The following TTN variants were observed in gnomAD, a reference collection of about 807,000 sequenced individuals.
TTN encodes the protein connectin.
Under a neutral mutation model 3,223.0 loss-of-function variants are expected in TTN, and 1,525 were observed. That is an observed-to-expected ratio of 0.47 (90% CI 0.45 to 0.49). The LOEUF is 0.49. Ranked by LOEUF, TTN falls within the 20% of genes least tolerant of loss-of-function variation. The pLI is 0.00. For missense variants in TTN, 40,786 were observed against 43,424.0 expected (o/e 0.94, Z 5.40); for synonymous variants, 14,094 against 15,161.0 (o/e 0.93, Z 5.17).
rs1271048830 is a variant in TTN at position 178,752,197 on chromosome 2, C to T, written c.11311+927G>A. Among the ~76,000 whole-genome samples, 5 of 152,012 alleles carry T rather than the reference C, an allele frequency of 3.3e-5. No individual in the cohort carries two copies. In the South Asian group the frequency reaches 6.2e-4, roughly 19 times the overall value. On this transcript the variant is annotated intron_variant, in intron 47 of 362. Transcript: ENST00000589042. ...ACCATATTTGTTCGAATAAACGCAA[C>T]ACCATGCTCTGTTTAAAAGATTCTG...
Position 178,636,078 on chromosome 2 carries a change from A to G in TTN, c.41493T>C (p.Ile13831=), listed in dbSNP as rs1392762218. 3 of 1,613,170 alleles carry G rather than the reference A, an allele frequency of 1.9e-6. No homozygotes were observed. Among genetic ancestry groups the G allele is most frequent in the African/African-American group, 2.7e-5 (2 of 74,868 alleles). Residue 13831 remains isoleucine (I), a synonymous_variant, in exon 226 of 363, where the codon ATT becomes ATC. Transcript: ENST00000589042. This position sits in a 1 kb window ranked among gnomAD's most constrained non-coding sequence, Gnocchi z 4.3. ...EKPGRIVPGV[I]GLMRALTIND... is the part of the protein sequence containing the mutation. ...TGATGGTCAGAGCCCGCATCAAGCC[A>G]ATGACGCCTGGCACAATTCGGCCAG...
At position 178,730,383 on chromosome 2, in the gene TTN, G is replaced by T. The variant is rs1434764564; in HGVS notation, c.18029-12C>A. ...AAAGTAAGGGGGTTCTGAGGTGAAA[G>T]AAAAAACAAGCAAAAGAAAATAGGA... On this transcript the variant is annotated splice_polypyrimidine_tract_variant and intron_variant, in intron 61 of 362. Transcript: ENST00000589042. The T allele has an allele frequency of 8.3e-6, 13 of 1,561,028 alleles. No individual in the cohort carries two copies. The highest frequency in any genetic ancestry group is 2.0e-5 in the Admixed American group (1 of 49,034).
In TTN at chr2:178,599,328, A is replaced by G. The variant is rs771542159; in HGVS notation, c.56465T>C (p.Ile18822Thr). Residue 18822 changes from isoleucine (I) to threonine (T), a missense_variant, in exon 290 of 363, where the codon ATT (isoleucine) becomes ACT (threonine). By Grantham distance (89) the Ile-to-Thr change is moderately conservative. Transcript: ENST00000589042. ...DGGSKITNYV[I>T]EKREANRKTW... ...CTTCCTGTTAGCTTCTCTTTTCTCAATTACATAGTTTGTAATCTTAGACCC... is the reference window on the plus strand; with the variant it reads ...CTTCCTGTTAGCTTCTCTTTTCTCAGTTACATAGTTTGTAATCTTAGACCC... 5.0e-6 allele frequency: 8 copies of G among 1,610,226 alleles called. 1 individual carries two copies. The highest frequency in any genetic ancestry group is 5.1e-6 in the Non-Finnish European group (6 of 1,178,480).
Position 178,566,964 on chromosome 2 carries a change from G to T in TTN, c.79168C>A (p.Pro26390Thr), listed in dbSNP as rs771933950. 10 of 1,613,404 alleles carry T rather than the reference G, an allele frequency of 6.2e-6. No individual in the cohort carries two copies. The highest frequency in any genetic ancestry group is 6.8e-6 in the Non-Finnish European group (8 of 1,179,652). Reference protein sequence around the residue: ...MKNPFVLPGPPKSLEVTNIAK... With the variant: ...MKNPFVLPGPTKSLEVTNIAK... ...ATATTTGTGACTTCCAAGCTTTTTGGTGGTCCAGGAAGCACAAATGGATTT... is the reference window on the plus strand; with the variant it reads ...ATATTTGTGACTTCCAAGCTTTTTGTTGGTCCAGGAAGCACAAATGGATTT... Residue 26390 changes from proline (P) to threonine (T), a missense_variant, in exon 326 of 363, where the codon CCA (proline) becomes ACA (threonine). Physicochemically the swap from Pro to Thr is conservative, Grantham distance 38. Transcript: ENST00000589042.
At chr2:178,644,005 A>G (rs915820575) in intron 218 of TTN, among the ~76,000 whole-genome samples, 2 of 152,012 alleles carry the variant, frequency 1.3e-5, no homozygotes, top group African/African-American at 2.4e-5. Context: ...ATTTTGAAAA[A>G]TTACCTACAG....
rs1002864801 is a variant in TTN, at chr2:178,557,955, A to G, written c.87399T>C (p.Val29133=). The G allele has an allele frequency of 4.3e-6, 7 of 1,613,198 alleles. No individual in the cohort carries two copies. The highest frequency in any genetic ancestry group is 4.0e-5 in the African/African-American group (3 of 74,940). Residue 29133 remains valine, a synonymous_variant, in exon 328 of 363, where the codon GTT becomes GTC. Transcript: ENST00000589042. Reference sequence around the variant, plus strand: ...TTGGAGGACCAGGCCTGTCTAGCACAACAATGTTAATGAAAGCTTTGGTTG... The same window carrying G: ...TTGGAGGACCAGGCCTGTCTAGCACGACAATGTTAATGAAAGCTTTGGTTG... The part of the protein sequence containing the change: ...SGTTKAFINI[V]VLDRPGPPTG...
intron 44 of TTN, 51 bp downstream of exon 44, chr2:178,758,933 T>C: frequency 6.5e-7 from 1 of 1,538,750 alleles, no homozygotes; most frequent in African/African-American, 1.4e-5. Context: ...ACAGACATTG[T>C]TAAGATTCGA....
chr2:178,719,156 A>C lies in TTN; in HGVS notation c.24226+8T>G. 6.2e-7 allele frequency: 1 copy of C among 1,606,810 alleles called. No homozygotes were observed. Among genetic ancestry groups the C allele is most frequent in the Non-Finnish European group, 8.5e-7 (1 of 1,174,828 alleles). On this transcript the variant is annotated splice_region_variant and intron_variant, in intron 83 of 362. Transcript: ENST00000589042. Reference sequence around the variant, plus strand: ...AGAGAAGCAGCAGCTTTATCCTTGCACACTGACCTTGCACAGTCAGGACTG... The same window carrying C: ...AGAGAAGCAGCAGCTTTATCCTTGCCCACTGACCTTGCACAGTCAGGACTG...
At position 178,617,179 on chromosome 2, in the gene TTN, T is replaced by A. The variant is rs760239452; in HGVS notation, c.47816A>T (p.Lys15939Ile). Residue 15939 changes from lysine (K) to isoleucine (I), a missense_variant, in exon 255 of 363, where the codon AAA becomes ATA. By Grantham distance (102) the Lys-to-Ile change is moderately radical. Transcript: ENST00000589042. ...TTCAGATGGATCTGAAACACCAGCT[T>A]TATTTTCTGCAGATACTCTATATAA... ...KYLYRVSAENKAGVSDPSEIL... is the reference protein window; with the variant it reads ...KYLYRVSAENIAGVSDPSEIL... 2 of 1,599,006 alleles carry A rather than the reference T, an allele frequency of 1.3e-6. No individual in the cohort carries two copies. Among genetic ancestry groups the A allele is most frequent in the Non-Finnish European group, 1.7e-6 (2 of 1,172,092 alleles).
In TTN at chr2:178,740,274, A is replaced by G. The variant is rs1284742059; in HGVS notation, c.12959T>C (p.Val4320Ala). 3.7e-6 allele frequency: 6 copies of G among 1,613,504 alleles called. No individual in the cohort carries two copies. Among genetic ancestry groups the G allele is most frequent in the Non-Finnish European group, 4.2e-6 (5 of 1,179,808 alleles). Residue 4320 changes from valine (V) to alanine (A), a missense_variant, in exon 48 of 363, where the codon GTC becomes GCC. Coordinates refer to ENST00000589042, the MANE Select transcript of TTN (RefSeq NM_001267550.2). ...PLENAGQDSAVRIEEGKSLRF... is the reference protein window; with the variant it reads ...PLENAGQDSAARIEEGKSLRF... ...TAAGGACTTGCCTTCCTCAATTCTG[A>G]CCGCAGAATCTTGCCCTGCATTTTC...
chr2:178,692,108 A>G lies in TTN; in HGVS notation c.31679-9T>C, dbSNP rs747471332. 3 of 1,610,566 alleles carry G rather than the reference A, an allele frequency of 1.9e-6. No homozygotes were observed. Among genetic ancestry groups the G allele is most frequent in the Admixed American group, 3.3e-5 (2 of 59,904 alleles). ...CTTGGGAACCTCAGGAACTTTAAAG[A>G]TACAATTGTTGAAATAATGTGGAAT... On this transcript the variant is annotated splice_polypyrimidine_tract_variant and intron_variant, in intron 120 of 362. Transcript: ENST00000589042.
Position 178,614,483 on chromosome 2 carries a change from A to G in TTN, c.49031T>C (p.Val16344Ala). ...VNVCGRATAV[V>A]EVNVLDKPGP... ...TTCCTTACCTAAGACGTTCACTTCC[A>G]CCACAGCAGTGGCCCGGCCACACAC... The change falls in exon 261 of 363, where the codon GTG (valine) becomes GCG (alanine). Residue 16344 changes from valine to alanine, a missense_variant. By Grantham distance (64) the Val-to-Ala change is moderately conservative. Transcript: ENST00000589042. The G allele has an allele frequency of 6.2e-7, 1 of 1,606,246 alleles. No individual in the cohort carries two copies. Among genetic ancestry groups the G allele is most frequent in the South Asian group, 1.1e-5 (1 of 89,728 alleles).
intron 47 of TTN, chr2:178,749,158 G>A: frequency 6.2e-7 from 1 of 1,612,134 alleles, no homozygotes; most frequent in Non-Finnish European, 8.5e-7. Context: ...AGTCACTTTG[G>A]GCACATTCTT....
chr2:178,687,779 G>A (rs1419134851), intron 127 of TTN, among the ~76,000 whole-genome samples: 1 of 152,194 alleles, frequency 6.6e-6, no homozygotes, highest in Non-Finnish European at 1.5e-5. Flanking sequence ...GCTTATGCCA[G>A]CCCACCATGC....
chr2:178,708,872 T>TA (rs1412860795), intron 99 of TTN, among the ~76,000 whole-genome samples: 1 of 152,184 alleles, frequency 6.6e-6, no homozygotes, highest in Admixed American at 6.5e-5. Flanking sequence ...GGTTAGTTTT[T>TA]AATGTGATTT....
chr2:178,694,945 T>G lies in TTN; in HGVS notation c.31271-39A>C, dbSNP rs763131860. Reference sequence around the variant, plus strand: ...AGAGAAATTGCAGTACTTTTAGAATTCCTATTAAAATTCTCTCTCTCTCTA... The same window carrying G: ...AGAGAAATTGCAGTACTTTTAGAATGCCTATTAAAATTCTCTCTCTCTCTA... On this transcript the variant is annotated intron_variant, in intron 115 of 362. Transcript: ENST00000589042. 11 of 1,431,788 alleles carry G rather than the reference T, an allele frequency of 7.7e-6. No homozygotes were observed. In the South Asian group the frequency reaches 1.4e-4, roughly 18 times the overall value. The allele number at this position is 1,431,788 out of a possible 1,614,324, so 88.7% of individuals were successfully genotyped here.
At chr2:178,685,163 T>C in intron 129 of TTN, 90 bp downstream of exon 129, 6 of 1,234,522 alleles carry the variant, frequency 4.9e-6, no homozygotes, top group South Asian at 4.3e-5. Flanking sequence ...GTTATGCAAA[T>C]TGTTATGCAT....
intron 119 of TTN, among the ~76,000 whole-genome samples, chr2:178,692,851 T>G (rs1308234821): frequency 1.5e-4 from 23 of 152,138 alleles, no homozygotes; most frequent in Admixed American, 1.5e-3. Context: ...AGAAACCAGC[T>G]TTTTATGAAC....
Position 178,622,752 on chromosome 2 carries a change from A to G in TTN, c.44831T>C (p.Phe14944Ser). The change falls in exon 243 of 363, where the codon TTC becomes TCC. Residue 14944 changes from phenylalanine (F) to serine (S), a missense_variant. Phe to Ser is a radical substitution (Grantham distance 155). Transcript: ENST00000589042. The stretch of plus-strand genomic sequence containing the variant: ...TTGAAGGTCGGTGAGTGGTCTTAAG[A>G]ATTCCACATGAGGAGCTGTAAGAGA... ...NLNVVPPHVE[F>S]LRPLTDLQVR... The G allele has an allele frequency of 1.2e-6, 2 of 1,601,874 alleles. No homozygotes were observed. Among genetic ancestry groups the G allele is most frequent in the Non-Finnish European group, 1.7e-6 (2 of 1,173,932 alleles).
Sources: gnomAD v4.1 joint callset for allele counts (sites outside exome capture counted in the v4.1 genomes callset) on GRCh38, gnomAD v4.1.1 for gene constraint, Gnocchi (gnomAD v3.1) non-coding constraint, MANE v1.5 for transcripts, NCBI Gene and HGNC (gene_info 2026-07-23, HGNC 2026-07-21) for gene names.